The following FANCL variants were observed in gnomAD, a reference collection of about 807,000 sequenced individuals.
FANCL encodes the protein E3 ubiquitin-protein ligase FANCL.
FANCL carries 69 observed loss-of-function variants against 59.4 expected under a neutral mutation model. The observed-to-expected ratio is 1.16, with a 90% CI of 0.96 to 1.42. The LOEUF (loss-of-function observed/expected upper bound fraction) is 1.42. Among genes scored for constraint, FANCL ranks in the 40% most tolerant of loss-of-function variants. FANCL has a pLI of 0.00. For missense variants in FANCL, 519 were observed against 447.2 expected, an observed-to-expected ratio of 1.16 and a Z score of -1.45; for synonymous variants, 180 against 147.1, an observed-to-expected ratio of 1.22 and a Z score of -1.62.
At chr2:58,196,777 A>C (rs1689468479) in intron 7 of FANCL, among the ~76,000 whole-genome samples, 1 of 151,896 alleles carries the variant, frequency 6.6e-6, no homozygotes, top group African/African-American at 2.4e-5. Context: ...AACACAAAGA[A>C]ACTCATAAAC....
rs1271730577 is a variant in FANCL, at chr2:58,212,146, C to A, written c.375-7920G>T. On this transcript the variant is annotated intron_variant, in intron 5 of 13. Transcript: ENST00000233741. ...AAAGAAAGAGGTTTAATTGGACTTA[C>A]AGTTCCACATGGCTGGGGAAGCCTC... is the stretch of plus-strand genomic sequence containing the variant. Among the ~76,000 whole-genome samples, 3 of 152,328 alleles carry A rather than the reference C, an allele frequency of 2.0e-5. No individual in the cohort carries two copies. The East Asian group carries it at 5.8e-4, about 29-fold the overall frequency.
At chr2:58,191,339 T>C (rs915340161) in intron 7 of FANCL, among the ~76,000 whole-genome samples, 10 of 151,866 alleles carry the variant, frequency 6.6e-5, no homozygotes, top group Non-Finnish European at 1.5e-4. Flanking sequence ...TACTCACATG[T>C]TTTCTCTTAC....
chr2:58,214,508 T>C (rs1453899730), intron 5 of FANCL, among the ~76,000 whole-genome samples: 1 of 152,102 alleles, frequency 6.6e-6, no homozygotes, highest in Admixed American at 6.6e-5. Flanking sequence ...CCATGAGGAA[T>C]CTTTATTGTT....
At chr2:58,215,389 T>C (rs1691612162) in intron 5 of FANCL, among the ~76,000 whole-genome samples, 1 of 152,204 alleles carries the variant, frequency 6.6e-6, no homozygotes, top group Non-Finnish European at 1.5e-5. Flanking sequence ...CTCAATATCA[T>C]AATATAGTAC....
chr2:58,230,549 T>C (rs569955377), intron 2 of FANCL, among the ~76,000 whole-genome samples: 6 of 152,174 alleles, frequency 3.9e-5, no homozygotes, highest in Non-Finnish European at 8.8e-5. Flanking sequence ...TCTGTTGTGC[T>C]CCCGATACTA....
chr2:58,164,640 T>C (rs1477879029), intron 8 of FANCL, among the ~76,000 whole-genome samples: 1 of 152,040 alleles, frequency 6.6e-6, no homozygotes. Context: ...AACTAGACTA[T>C]GTATGCTGAA....
chr2:58,186,891 G>T (rs1357288488), intron 7 of FANCL, among the ~76,000 whole-genome samples: 1 of 152,158 alleles, frequency 6.6e-6, no homozygotes, highest in Non-Finnish European at 1.5e-5. Context: ...CAGTTAGAAT[G>T]GCAATCATTA....
chr2:58,194,120 T>C, intron 7 of FANCL: 1 of 425,242 alleles, frequency 2.4e-6, no homozygotes, highest in South Asian at 1.7e-5. Context: ...AAGATTTCCA[T>C]GATAAAAAAA....
intron 13 of FANCL, 96 bp downstream of exon 13, chr2:58,160,012 T>A: frequency 6.4e-7 from 1 of 1,572,348 alleles, no homozygotes; most frequent in South Asian, 1.2e-5. Context: ...GTTTCAAAAG[T>A]TTTAGATAAA....
intron 1 of FANCL, among the ~76,000 whole-genome samples, chr2:58,240,835 G>T (rs1694459037): frequency 6.6e-6 from 1 of 152,152 alleles, no homozygotes; most frequent in Non-Finnish European, 1.5e-5. Context: ...ATTCCCGAGT[G>T]AACTCATCAA....
intron 7 of FANCL, among the ~76,000 whole-genome samples, chr2:58,169,797 G>C (rs189996109): frequency 2.5e-4 from 38 of 151,986 alleles, no homozygotes; most frequent in Admixed American, 2.4e-3. Context: ...CGGAAGAAAG[G>C]ATATCAGAGA....
At chr2:58,181,466 T>C (rs1687933035) in intron 7 of FANCL, among the ~76,000 whole-genome samples, 1 of 152,070 alleles carries the variant, frequency 6.6e-6, no homozygotes, top group Non-Finnish European at 1.5e-5. Flanking sequence ...ATCCATTTAC[T>C]GGAACTTATG....
At chr2:58,240,721 T>C (rs1023663571) in intron 1 of FANCL, among the ~76,000 whole-genome samples, 8 of 152,180 alleles carry the variant, frequency 5.3e-5, no homozygotes, top group African/African-American at 1.7e-4. Context: ...CTAGAAGATA[T>C]TGTAACTGTG....
Position 58,159,559 on chromosome 2 carries a change from GA to G in FANCL, c.*205del. The stretch of plus-strand genomic sequence containing the variant: ...AGTCAGCACGGGGATCACAGACTTA[GA>G]AAGTTCAACTGGACTTTGGCCTACA... On this transcript the variant is annotated 3_prime_UTR_variant, in exon 14 of 14. Coordinates refer to ENST00000233741, the MANE Select transcript of FANCL (RefSeq NM_018062.4). The G allele has an allele frequency of 1.9e-6, 3 of 1,613,816 alleles. No homozygotes were observed. The highest frequency in any genetic ancestry group is 2.5e-6 in the Non-Finnish European group (3 of 1,179,790).
intron 5 of FANCL, among the ~76,000 whole-genome samples, chr2:58,214,296 G>A (rs1439749630): frequency 6.6e-6 from 1 of 151,956 alleles, no homozygotes; most frequent in African/African-American, 2.4e-5. Flanking sequence ...TCCTACATTA[G>A]AACAATGGGT....
chr2:58,160,591 CCT>C (rs1393895027), intron 12 of FANCL, among the ~76,000 whole-genome samples: 2 of 151,942 alleles, frequency 1.3e-5, no homozygotes, highest in Admixed American at 1.3e-4. Flanking sequence ...TGAAAATTTC[CCT>C]CTTAGTTCTG....
In FANCL at chr2:58,176,471, C is replaced by T. The variant is rs575862199; in HGVS notation, c.541-10597G>A. 6.0e-4 allele frequency among the ~76,000 whole-genome samples: 91 copies of T among 152,044 alleles called. 1 individual carries two copies. The highest frequency in any genetic ancestry group is 2.0e-3 in the African/African-American group (82 of 41,448). On this transcript the variant is annotated intron_variant, in intron 7 of 13. Transcript: ENST00000233741. ...AACAGAACAGAGCCCTCAGAAATAA[C>T]GCCGCATATCTACAACTACCTGATC... is the stretch of plus-strand genomic sequence containing the variant.
rs183938116 is a variant in FANCL, at chr2:58,176,496, C to A, written c.541-10622G>T. ...CGCCGCATATCTACAACTACCTGATCGTTGACAAACCTGAGAAACACAAGC... is the reference window on the plus strand; with the variant it reads ...CGCCGCATATCTACAACTACCTGATAGTTGACAAACCTGAGAAACACAAGC... On this transcript the variant is annotated intron_variant, in intron 7 of 13. Coordinates refer to ENST00000233741, the MANE Select transcript of FANCL (RefSeq NM_018062.4). Among the ~76,000 whole-genome samples, 89 of 152,210 alleles carry A rather than the reference C, an allele frequency of 5.8e-4. No homozygotes were observed. The Middle Eastern group carries it at 0.01, about 17-fold the overall frequency.
intron 7 of FANCL, among the ~76,000 whole-genome samples, chr2:58,184,156 T>C (rs1014554427): frequency 2.0e-5 from 3 of 152,080 alleles, no homozygotes; most frequent in Non-Finnish European, 4.4e-5. Flanking sequence ...AATTCTTGTT[T>C]ATAAAGAGAT....
Sources: gnomAD v4.1 joint callset for allele counts (sites outside exome capture counted in the v4.1 genomes callset) on GRCh38, gnomAD v4.1.1 for gene constraint, MANE v1.5 for transcripts, NCBI Gene and HGNC (gene_info 2026-07-23, HGNC 2026-07-21) for gene names.